The following SLCO5A1 variants were observed in gnomAD, a reference collection of about 807,000 sequenced individuals.
SLCO5A1 encodes solute carrier organic anion transporter family member 5A1.
A neutral mutation model predicts 65.1 loss-of-function variants in SLCO5A1; 39 were observed. The observed-to-expected ratio is 0.60, with a 90% confidence interval of 0.46 to 0.78. The LOEUF (loss-of-function observed/expected upper bound fraction) is 0.78, where lower values mean the gene tolerates loss of function less well. SLCO5A1 is among the 30% of genes least tolerant of loss of function. The pLI, the probability that SLCO5A1 is intolerant of heterozygous loss-of-function variation, is 0.00. For synonymous variants in SLCO5A1, 438 were observed against 415.7 expected (o/e 1.05, Z -0.65); for missense variants, 1,029 against 1,069.4 (o/e 0.96, Z 0.53).
At chr8:69,773,131 CAG>C (rs1017596332) in intron 2 of SLCO5A1, among the ~76,000 whole-genome samples, 1 of 152,176 alleles carries the variant, frequency 6.6e-6, no homozygotes, top group African/African-American at 2.4e-5. Flanking sequence ...TGGCCACACT[CAG>C]GGAGAGGCAG....
intron 4 of SLCO5A1, among the ~76,000 whole-genome samples, chr8:69,744,530 A>G (rs1263685453): frequency 6.6e-6 from 1 of 152,178 alleles, no homozygotes; most frequent in Non-Finnish European, 1.5e-5. Context: ...CTTGGTCCAT[A>G]GCTCTAGTCA....
chr8:69,832,866 C>T lies in SLCO5A1; in HGVS notation c.-193G>A. 1.6e-6 allele frequency: 1 copy of T among 644,340 alleles called. No homozygotes were observed. The highest frequency in any genetic ancestry group is 2.6e-6 in the Non-Finnish European group (1 of 384,278). 39.9% of individuals were successfully genotyped at this position (644,340 alleles called of 1,614,324 possible). A position where few individuals can be genotyped will look rare whatever the true frequency, so the allele number is the denominator to read the frequency against. On this transcript the variant is annotated 5_prime_UTR_variant, in exon 2 of 10. Coordinates refer to ENST00000260126, the MANE Select transcript of SLCO5A1 (RefSeq NM_030958.3). The surrounding 1 kb of genome is among the most constrained non-coding windows in gnomAD (Gnocchi z 4.5). ...CAGTGCATCCTGATCACAGACACGG[C>T]TTCAAGGCTCCGCAGCCGCGTGCCA... is the stretch of plus-strand genomic sequence containing the variant.
chr8:69,677,699 T>C (rs1300199160), intron 8 of SLCO5A1, among the ~76,000 whole-genome samples: 2 of 152,190 alleles, frequency 1.3e-5, no homozygotes. Flanking sequence ...TATCTGGCTG[T>C]CAAGGAACAG....
chr8:69,785,301 G>T (rs1282893676), intron 2 of SLCO5A1, among the ~76,000 whole-genome samples: 2 of 152,104 alleles, frequency 1.3e-5, no homozygotes, highest in African/African-American at 4.8e-5. Context: ...TGATAGTAGT[G>T]ATAAATATAG....
chr8:69,803,377 A>C (rs562542832), intron 2 of SLCO5A1, among the ~76,000 whole-genome samples: 2 of 152,304 alleles, frequency 1.3e-5, no homozygotes, highest in African/African-American at 4.8e-5. Flanking sequence ...AGACTGCGCC[A>C]CTACCATCTA....
chr8:69,825,408 G>A (rs1050670682), intron 2 of SLCO5A1, among the ~76,000 whole-genome samples: 4 of 152,176 alleles, frequency 2.6e-5, no homozygotes, highest in African/African-American at 9.7e-5. Context: ...ATCTCCTTAA[G>A]CTGATAAGTA....
chr8:69,749,113 G>T (rs924110841), intron 4 of SLCO5A1, among the ~76,000 whole-genome samples: 3 of 152,196 alleles, frequency 2.0e-5, no homozygotes, highest in African/African-American at 7.2e-5. Context: ...GTCAAAAACT[G>T]ACCTGGACAC....
chr8:69,813,149 G>T (rs953274012), intron 2 of SLCO5A1, among the ~76,000 whole-genome samples: 1 of 152,006 alleles, frequency 6.6e-6, no homozygotes, highest in Admixed American at 6.6e-5. Flanking sequence ...TAAGATCAGG[G>T]ACTTACTCTA....
chr8:69,696,920 A>T (rs1240423587), intron 6 of SLCO5A1, among the ~76,000 whole-genome samples: 1 of 152,208 alleles, frequency 6.6e-6, no homozygotes, highest in African/African-American at 2.4e-5. Flanking sequence ...AAATGTACAT[A>T]AAGATAGAAA....
chr8:69,761,396 C>T, intron 3 of SLCO5A1: 1 of 220,890 alleles, frequency 4.5e-6, no homozygotes, highest in Non-Finnish European at 8.8e-6. Context: ...CAAGGCACAA[C>T]ACTCCAACCT....
chr8:69,800,095 T>C (rs1006692269), intron 2 of SLCO5A1, among the ~76,000 whole-genome samples: 1 of 152,140 alleles, frequency 6.6e-6, no homozygotes, highest in Non-Finnish European at 1.5e-5. Context: ...GAAATTTTGG[T>C]CACCTATTTC....
chr8:69,827,726 T>C (rs1417171074), intron 2 of SLCO5A1, among the ~76,000 whole-genome samples: 1 of 152,186 alleles, frequency 6.6e-6, no homozygotes, highest in East Asian at 1.9e-4. Context: ...AAGAAAGACA[T>C]TTTAATTCGT....
intron 2 of SLCO5A1, among the ~76,000 whole-genome samples, chr8:69,828,275 T>A (rs7386687): frequency 4.5e-3 from 420 of 92,840 alleles, no homozygotes; most frequent in Middle Eastern, 0.018. Context: ...TTTTTTTTTT[T>A]TAAAAAAAAA....
rs576839644 is a variant in SLCO5A1, at chr8:69,738,896, A to G, written c.1259-692T>C. 2.0e-5 allele frequency among the ~76,000 whole-genome samples: 3 copies of G among 152,354 alleles called. No homozygotes were observed. In the East Asian group the frequency reaches 5.8e-4, roughly 29 times the overall value. On this transcript the variant is annotated intron_variant, in intron 4 of 9. Transcript: ENST00000260126. Reference sequence around the variant, plus strand: ...CCTTGAGTCTAGGCATTTATTTCACAGAACCTGCCATCTATGTGCTTCAAG... The same window carrying G: ...CCTTGAGTCTAGGCATTTATTTCACGGAACCTGCCATCTATGTGCTTCAAG...
At chr8:69,695,410 T>A (rs1236528001) in intron 6 of SLCO5A1, among the ~76,000 whole-genome samples, 1 of 152,056 alleles carries the variant, frequency 6.6e-6, no homozygotes, top group Non-Finnish European at 1.5e-5. Context: ...CAGGGATAAT[T>A]GCTTGAACCC....
chr8:69,705,311 G>C, intron 5 of SLCO5A1, 82 bp from the exon 6 acceptor site: 6 of 1,344,204 alleles, frequency 4.5e-6, no homozygotes, highest in African/African-American at 1.5e-5. Context: ...TTGCTCAGTA[G>C]TACTGAGGTA....
At chr8:69,688,696 C>T (rs62512223) in intron 6 of SLCO5A1, among the ~76,000 whole-genome samples, 17,281 of 152,174 alleles carry the variant, frequency 0.11, 1,246 homozygotes, top group Non-Finnish European at 0.17. Flanking sequence ...TACAGTATTC[C>T]ATGGTGTATA....
chr8:69,824,159 C>T (rs893240723), intron 2 of SLCO5A1, among the ~76,000 whole-genome samples: 2 of 151,604 alleles, frequency 1.3e-5, no homozygotes, highest in East Asian at 1.9e-4. Flanking sequence ...CACTAAATGC[C>T]CACAAGAGAA....
chr8:69,734,570 C>T (rs1336046006), intron 5 of SLCO5A1, among the ~76,000 whole-genome samples: 7 of 152,102 alleles, frequency 4.6e-5, no homozygotes, highest in African/African-American at 1.7e-4. Context: ...TTTAGATTTC[C>T]CCAGCCACAC....
Sources: gnomAD v4.1 joint callset for allele counts (sites outside exome capture counted in the v4.1 genomes callset) on GRCh38, gnomAD v4.1.1 for gene constraint, Gnocchi (gnomAD v3.1) non-coding constraint, MANE v1.5 for transcripts, NCBI Gene and HGNC (gene_info 2026-07-23, HGNC 2026-07-21) for gene names.